The following C12orf42 variants were observed in gnomAD, a reference collection of about 807,000 sequenced individuals.
C12orf42 encodes chromosome 12 open reading frame 42, also known as uncharacterized protein C12orf42.
A neutral mutation model predicts 21.6 loss-of-function variants in C12orf42; 25 were observed. That is an observed-to-expected ratio of 1.16 (90% CI 0.84 to 1.62). The LOEUF (loss-of-function observed/expected upper bound fraction) is 1.62. Among genes scored for constraint, C12orf42 ranks in the 40% most tolerant of loss-of-function variants. The pLI is 0.00. For synonymous variants in C12orf42, 174 were observed against 175.0 expected (o/e 0.99, Z 0.05); for missense variants, 483 against 459.3 (o/e 1.05, Z -0.47).
intron 2 of C12orf42, among the ~76,000 whole-genome samples, chr12:103,458,268 AAGG>A (rs2137612921): frequency 6.6e-6 from 1 of 152,250 alleles, no homozygotes; most frequent in Admixed American, 6.5e-5. Context: ...CAAACCAGAG[AAGG>A]AGAACTTACC....
intron 10 of C12orf42, among the ~76,000 whole-genome samples, chr12:103,243,624 T>C (rs2033862659): frequency 6.6e-6 from 1 of 152,184 alleles, no homozygotes; most frequent in Non-Finnish European, 1.5e-5. Flanking sequence ...GATGCCTTTC[T>C]AGTAAGTAGA....
At chr12:103,339,066 ATAAAT>A (rs558173462) in intron 4 of C12orf42, among the ~76,000 whole-genome samples, 13 of 152,230 alleles carry the variant, frequency 8.5e-5, no homozygotes, top group Non-Finnish European at 1.9e-4. Flanking sequence ...TAAACTACAA[ATAAAT>A]TAGATTTAGA....
intron 2 of C12orf42, among the ~76,000 whole-genome samples, chr12:103,437,776 C>CA (rs1274804523): frequency 9.3e-5 from 13 of 139,686 alleles, no homozygotes; most frequent in African/African-American, 3.2e-4. Flanking sequence ...GCCTACCAAC[C>CA]AAAAAAAAAG....
intron 1 of C12orf42, among the ~76,000 whole-genome samples, chr12:103,495,373 G>T (rs947665793): frequency 1.3e-5 from 2 of 152,090 alleles, no homozygotes; most frequent in Non-Finnish European, 2.9e-5. Flanking sequence ...GAGCAAGGCG[G>T]GGCGTGCCCT....
At chr12:103,336,819 T>G (rs1244266425) in intron 4 of C12orf42, among the ~76,000 whole-genome samples, 1 of 152,190 alleles carries the variant, frequency 6.6e-6, no homozygotes, top group Non-Finnish European at 1.5e-5. Flanking sequence ...GCTCCCTTTA[T>G]GGCCCAAACA....
the C12orf42 span, chr12:103,506,047 G>C: frequency 4.5e-6 from 1 of 221,302 alleles, no homozygotes; most frequent in African/African-American, 2.4e-5. Context: ...GTTAAGCTCT[G>C]TTTCCAAATG....
intron 4 of C12orf42, among the ~76,000 whole-genome samples, chr12:103,295,078 T>C (rs1277954515): frequency 1.3e-5 from 2 of 152,200 alleles, no homozygotes; most frequent in Non-Finnish European, 2.9e-5. Flanking sequence ...GCTCCATCCA[T>C]GTTCCTGCAA....
At chr12:103,361,856 C>T (rs2044143093) in intron 4 of C12orf42, among the ~76,000 whole-genome samples, 1 of 152,054 alleles carries the variant, frequency 6.6e-6, no homozygotes, top group Non-Finnish European at 1.5e-5. Context: ...GAAAGACTCA[C>T]CCAAGGGGAG....
At chr12:103,446,927 C>T (rs567275423) in intron 2 of C12orf42, among the ~76,000 whole-genome samples, 1 of 152,038 alleles carries the variant, frequency 6.6e-6, no homozygotes, top group South Asian at 2.1e-4. Context: ...GACTTTAATA[C>T]TCCATTGACA....
At chr12:103,258,780 T>A (rs7302493) in intron 10 of C12orf42, among the ~76,000 whole-genome samples, 1 of 151,812 alleles carries the variant, frequency 6.6e-6, no homozygotes, top group Non-Finnish European at 1.5e-5. Flanking sequence ...AACTGAAGTT[T>A]TGCAAGATTT....
chr12:103,269,277 T>C lies in C12orf42; in HGVS notation n.446-315A>G, dbSNP rs554037928. On this transcript the variant is annotated intron_variant and non_coding_transcript_variant, in intron 6 of 6. Transcript: ENST00000546526. ...GAGCTGTTCAGAGGAAGGAAGCGGA[T>C]GACGTAAGTAGACAAATGACATAAA... Among the ~76,000 whole-genome samples the C allele has an allele frequency of 7.9e-5, 12 of 152,236 alleles. No homozygotes were observed. The East Asian group carries it at 2.3e-3, about 29-fold the overall frequency.
At chr12:103,127,952 G>C in the C12orf42 span, among the ~76,000 whole-genome samples, 1 of 152,186 alleles carries the variant, frequency 6.6e-6, no homozygotes, top group East Asian at 1.9e-4. Context: ...AAATAGGAAA[G>C]ATTGCCCTTA....
chr12:103,278,620 C>G (rs1224718713), intron 4 of C12orf42, among the ~76,000 whole-genome samples: 1 of 152,224 alleles, frequency 6.6e-6, no homozygotes, highest in Non-Finnish European at 1.5e-5. Flanking sequence ...TCTCATCACC[C>G]CTTGGTATGT....
chr12:103,210,443 C>T, the C12orf42 span, among the ~76,000 whole-genome samples: 1 of 152,096 alleles, frequency 6.6e-6, no homozygotes, highest in South Asian at 2.1e-4. Context: ...ACATTTTCTA[C>T]CACTTGCCTC....
At chr12:103,544,108 G>A in the C12orf42 span, among the ~76,000 whole-genome samples, 2 of 151,908 alleles carry the variant, frequency 1.3e-5, no homozygotes, top group East Asian at 3.9e-4. Flanking sequence ...CACTGTGTTA[G>A]CCAAGTTGGT....
chr12:103,365,820 T>C (rs368272081), intron 4 of C12orf42, among the ~76,000 whole-genome samples: 117 of 152,150 alleles, frequency 7.7e-4, no homozygotes, highest in Middle Eastern at 3.4e-3. Flanking sequence ...CTGAAAGAAA[T>C]TGTAGTTCAC....
At chr12:103,252,853 G>C (rs2034377706) in intron 10 of C12orf42, among the ~76,000 whole-genome samples, 1 of 152,046 alleles carries the variant, frequency 6.6e-6, no homozygotes, top group Non-Finnish European at 1.5e-5. Flanking sequence ...ATTGCTTTTG[G>C]TGTTTTAATC....
chr12:103,457,287 A>G (rs1414972865), intron 2 of C12orf42, among the ~76,000 whole-genome samples: 1 of 152,196 alleles, frequency 6.6e-6, no homozygotes, highest in Non-Finnish European at 1.5e-5. Context: ...TCATTTTCCC[A>G]AGGGGGAAGA....
In C12orf42 at chr12:103,480,620, CT is replaced by C. The variant is rs1954396503; in HGVS notation, c.-21-2174del. Among the ~76,000 whole-genome samples the C allele has an allele frequency of 3.3e-5, 5 of 151,604 alleles. 1 individual carries two copies. In the South Asian group the frequency reaches 8.3e-4, roughly 25 times the overall value. On this transcript the variant is annotated intron_variant, in intron 1 of 5. Coordinates refer to ENST00000548883, the MANE Select transcript of C12orf42 (RefSeq NM_198521.5). Reference sequence around the variant, plus strand: ...GCCTCCAATGTTTTGAAATATAATGCTTTTATTATCTCTCATTTCTAATGCT... The same window carrying C: ...GCCTCCAATGTTTTGAAATATAATGCTTTATTATCTCTCATTTCTAATGCT...
Sources: allele counts gnomAD v4.1 joint callset (sites outside exome capture counted in the v4.1 genomes callset), GRCh38; gene constraint gnomAD v4.1.1; transcripts MANE v1.5; gene names NCBI Gene and HGNC (gene_info 2026-07-23, HGNC 2026-07-21).